TMEM132C: variants seen among roughly 807,000 people sequenced by gnomAD.
TMEM132C encodes protein phosphatase 1, regulatory subunit 152.
TMEM132C carries 29 observed loss-of-function variants against 61.4 expected under a neutral mutation model. The observed-to-expected ratio is 0.47, with a 90% CI of 0.35 to 0.64. The LOEUF (loss-of-function observed/expected upper bound fraction) is 0.64. TMEM132C is among the 30% of genes least tolerant of loss of function. The probability of loss-of-function intolerance (pLI) is 0.00; values close to 1 mark genes in which losing one functional copy is unlikely to be tolerated. For synonymous variants in TMEM132C, 656 were observed against 633.1 expected, an observed-to-expected ratio of 1.04 and a Z score of -0.54; for missense variants, 1,408 against 1,476.9, an observed-to-expected ratio of 0.95 and a Z score of 0.76.
At position 128,705,640 on chromosome 12, in the gene TMEM132C, A is replaced by T. The variant is rs529595183; in HGVS notation, c.2672A>T (p.Asp891Val). 54 of 1,550,986 alleles carry T rather than the reference A, an allele frequency of 3.5e-5. No homozygotes were observed. In the East Asian group the frequency reaches 1.3e-3, roughly 37 times the overall value. Residue 891 changes from aspartate to valine, a missense_variant, in exon 9 of 9, where the codon GAC (aspartate) becomes GTC (valine). Coordinates refer to ENST00000435159, the MANE Select transcript of TMEM132C (RefSeq NM_001136103.3). ...GGGCAGCTGCAGAACATCCCCATTG[A>T]CTTCACCAACTTCCCTGCCCACGTG... ...GEGQLQNIPI[D>V]FTNFPAHVDL... is the part of the protein sequence containing the mutation.
chr12:128,497,903 C>T (rs538697474), intron 2 of TMEM132C, among the ~76,000 whole-genome samples: 8 of 152,124 alleles, frequency 5.3e-5, no homozygotes, highest in Non-Finnish European at 7.3e-5. Flanking sequence ...AGAAATCACC[C>T]GTCTTCTGCA....
intron 1 of TMEM132C, among the ~76,000 whole-genome samples, chr12:128,413,552 C>T (rs905453853): frequency 2.6e-5 from 4 of 151,830 alleles, no homozygotes; most frequent in African/African-American, 7.2e-5. Context: ...TAATTTTTGT[C>T]AGTCTTATAG....
intron 3 of TMEM132C, among the ~76,000 whole-genome samples, chr12:128,611,871 C>A (rs951918228): frequency 3.3e-5 from 5 of 152,170 alleles, no homozygotes; most frequent in Non-Finnish European, 7.3e-5. Context: ...GGAGATGCTC[C>A]CTTAAAATGA....
chr12:128,700,199 G>T (rs1458052041), intron 8 of TMEM132C, among the ~76,000 whole-genome samples: 1 of 152,152 alleles, frequency 6.6e-6, no homozygotes, highest in African/African-American at 2.4e-5. Context: ...TGACTTAGGG[G>T]GATTTGTGGA....
chr12:128,679,861 G>C (rs73430733), intron 5 of TMEM132C, among the ~76,000 whole-genome samples: 7,893 of 152,238 alleles, frequency 0.052, 550 homozygotes, highest in African/African-American at 0.17. Flanking sequence ...GTAATGGGAC[G>C]AGGAGAGGAT....
At chr12:128,518,486 C>T (rs1017894288) in intron 2 of TMEM132C, among the ~76,000 whole-genome samples, 2 of 152,126 alleles carry the variant, frequency 1.3e-5, no homozygotes, top group Non-Finnish European at 2.9e-5. Flanking sequence ...AAGAAGGTAC[C>T]CGGACAACAG....
At chr12:128,505,348 C>T (rs1350583851) in intron 2 of TMEM132C, among the ~76,000 whole-genome samples, 1 of 152,142 alleles carries the variant, frequency 6.6e-6, no homozygotes, top group African/African-American at 2.4e-5. Flanking sequence ...TGCTCAACTT[C>T]CAAAATCCTA....
chr12:128,477,488 C>A (rs1871187794), intron 2 of TMEM132C, among the ~76,000 whole-genome samples: 1 of 152,180 alleles, frequency 6.6e-6, no homozygotes, highest in Non-Finnish European at 1.5e-5. Context: ...CCGCAAACCC[C>A]CTTTCAGGGC....
intron 4 of TMEM132C, among the ~76,000 whole-genome samples, chr12:128,652,324 T>TCCTC (rs1443824227): frequency 2.0e-5 from 3 of 152,136 alleles, no homozygotes; most frequent in Admixed American, 2.0e-4. Context: ...GCTTTCCCCT[T>TCCTC]CCTCCGGGAT....
intron 1 of TMEM132C, among the ~76,000 whole-genome samples, chr12:128,383,016 A>G (rs917365358): frequency 6.6e-6 from 1 of 151,630 alleles, no homozygotes; most frequent in African/African-American, 2.4e-5. Flanking sequence ...GCGTCTGTGT[A>G]TCTGTGTGTA....
chr12:128,445,726 G>T (rs1869958403), intron 2 of TMEM132C, among the ~76,000 whole-genome samples: 1 of 152,206 alleles, frequency 6.6e-6, no homozygotes, highest in Non-Finnish European at 1.5e-5. Flanking sequence ...ATCTCTTTCA[G>T]TGCCCTGGCA....
intron 3 of TMEM132C, among the ~76,000 whole-genome samples, chr12:128,565,789 C>T (rs1263465249): frequency 6.6e-6 from 1 of 151,844 alleles, no homozygotes; most frequent in Non-Finnish European, 1.5e-5. Context: ...TTTGGGGATC[C>T]CTTTTTCCAA....
At chr12:128,642,597 C>T (rs959101345) in intron 4 of TMEM132C, among the ~76,000 whole-genome samples, 2 of 152,148 alleles carry the variant, frequency 1.3e-5, no homozygotes, top group Non-Finnish European at 2.9e-5. Context: ...CTCTTGCTCC[C>T]TCTCTCGCCA....
At chr12:128,366,917 C>T (rs1294225978) in intron 1 of TMEM132C, among the ~76,000 whole-genome samples, 2 of 152,162 alleles carry the variant, frequency 1.3e-5, no homozygotes, top group African/African-American at 2.4e-5. Context: ...TAAGCAATCA[C>T]GTGAATTCAG....
At chr12:128,510,634 G>A (rs778625130) in intron 2 of TMEM132C, among the ~76,000 whole-genome samples, 10 of 152,164 alleles carry the variant, frequency 6.6e-5, no homozygotes, top group Non-Finnish European at 1.2e-4. Context: ...TCTGGCTTCC[G>A]TCCCACTTCC....
intron 3 of TMEM132C, among the ~76,000 whole-genome samples, chr12:128,598,527 C>T (rs1383367814): frequency 6.6e-6 from 1 of 152,168 alleles, no homozygotes; most frequent in Non-Finnish European, 1.5e-5. Flanking sequence ...CCACCCCAGC[C>T]TTGCTCCCCG....
intron 3 of TMEM132C, among the ~76,000 whole-genome samples, chr12:128,600,236 C>A (rs976378045): frequency 1.3e-5 from 2 of 152,120 alleles, no homozygotes; most frequent in Non-Finnish European, 2.9e-5. Flanking sequence ...CCCACCTCGG[C>A]CTCCCAAAGT....
chr12:128,704,574 G>T (rs1385120187), intron 8 of TMEM132C, among the ~76,000 whole-genome samples: 2 of 152,240 alleles, frequency 1.3e-5, no homozygotes, highest in African/African-American at 4.8e-5. Flanking sequence ...TGGGGGCAGT[G>T]CAGGGAGAAG....
At chr12:128,595,692 G>A (rs1292731909) in intron 3 of TMEM132C, among the ~76,000 whole-genome samples, 3 of 152,170 alleles carry the variant, frequency 2.0e-5, no homozygotes, top group African/African-American at 7.2e-5. Context: ...AGGCAGAGGG[G>A]TCAGCCAGCA....
Sources: gnomAD v4.1 joint callset for allele counts (sites outside exome capture counted in the v4.1 genomes callset) on GRCh38, gnomAD v4.1.1 for gene constraint, MANE v1.5 for transcripts, NCBI Gene and HGNC (gene_info 2026-07-23, HGNC 2026-07-21) for gene names.